ARHGEF38: variants seen among roughly 807,000 people sequenced by gnomAD.
The protein encoded by ARHGEF38 is Rho guanine nucleotide exchange factor 38.
Under a neutral mutation model 79.9 loss-of-function variants are expected in ARHGEF38, and 79 were observed. That is an observed-to-expected ratio of 0.99 (90% CI 0.82 to 1.19). The LOEUF is 1.19. ARHGEF38 is among the 50% of genes most tolerant of loss of function. The pLI, the probability that ARHGEF38 is intolerant of heterozygous loss-of-function variation, is 0.00. For missense variants in ARHGEF38, 962 were observed against 907.2 expected (o/e 1.06, Z -0.78); for synonymous variants, 366 against 328.3 (o/e 1.11, Z -1.24).
At chr4:105,584,104 A>C (rs1034992554) in intron 1 of ARHGEF38, among the ~76,000 whole-genome samples, 1 of 152,242 alleles carries the variant, frequency 6.6e-6, no homozygotes, top group African/African-American at 2.4e-5. Context: ...AGACAACAGC[A>C]GTGTCTGACA....
intron 2 of ARHGEF38, among the ~76,000 whole-genome samples, chr4:105,602,356 A>G (rs1473647816): frequency 6.6e-6 from 1 of 152,192 alleles, no homozygotes; most frequent in Non-Finnish European, 1.5e-5. Context: ...GAAGAAACAA[A>G]TGTTTTAAAA....
At chr4:105,624,289 T>C (rs1356467686) in intron 3 of ARHGEF38, among the ~76,000 whole-genome samples, 2 of 152,184 alleles carry the variant, frequency 1.3e-5, no homozygotes, top group Middle Eastern at 3.2e-3. Flanking sequence ...TCAGGAAGTG[T>C]GGAGTTATGA....
intron 5 of ARHGEF38, among the ~76,000 whole-genome samples, chr4:105,637,274 G>A (rs781431410): frequency 1.1e-4 from 16 of 152,054 alleles, no homozygotes; most frequent in Non-Finnish European, 1.9e-4. Flanking sequence ...CAGTGAGAAC[G>A]GAATTCTGGA....
intron 5 of ARHGEF38, among the ~76,000 whole-genome samples, chr4:105,643,343 T>C (rs1729700690): frequency 6.6e-6 from 1 of 152,066 alleles, no homozygotes; most frequent in African/African-American, 2.4e-5. Context: ...CTTAATAGAT[T>C]TGGTGCAAAT....
intron 9 of ARHGEF38, among the ~76,000 whole-genome samples, chr4:105,658,270 G>A (rs972153139): frequency 1.3e-5 from 2 of 152,090 alleles, no homozygotes; most frequent in South Asian, 4.1e-4. Context: ...TTAGCCAAGC[G>A]TGGTGATACA....
chr4:105,650,582 A>G (rs991097788), intron 7 of ARHGEF38, among the ~76,000 whole-genome samples: 1 of 152,204 alleles, frequency 6.6e-6, no homozygotes, highest in Non-Finnish European at 1.5e-5. Flanking sequence ...CTTTACTCCT[A>G]TCTTCTGCCA....
chr4:105,660,978 C>T (rs1730540113), intron 10 of ARHGEF38, among the ~76,000 whole-genome samples: 1 of 152,142 alleles, frequency 6.6e-6, no homozygotes, highest in Non-Finnish European at 1.5e-5. Context: ...CTGTACCCAT[C>T]CACATTTTTT....
At chr4:105,568,927 A>G (rs1023317857) in intron 1 of ARHGEF38, among the ~76,000 whole-genome samples, 4 of 152,222 alleles carry the variant, frequency 2.6e-5, no homozygotes, top group African/African-American at 7.2e-5. Flanking sequence ...CATTAAACAA[A>G]ACCTTAAGCT....
rs539335169 is a variant in ARHGEF38 at position 105,584,282 on chromosome 4, C to T, written c.197-4966C>T. On this transcript the variant is annotated intron_variant, in intron 1 of 13. Transcript: ENST00000420470. ...ATGTGCATGGAGATATTTTGAGAAGCCTATACACTACACTAGAATACAACC... is the reference window on the plus strand; with the variant it reads ...ATGTGCATGGAGATATTTTGAGAAGTCTATACACTACACTAGAATACAACC... 2.1e-3 allele frequency among the ~76,000 whole-genome samples: 320 copies of T among 152,168 alleles called. 3 individuals carry two copies. Among genetic ancestry groups the T allele is most frequent in the African/African-American group, 7.4e-3 (308 of 41,496 alleles).
chr4:105,632,270 G>A (rs1729228787), intron 4 of ARHGEF38, among the ~76,000 whole-genome samples: 2 of 152,042 alleles, frequency 1.3e-5, no homozygotes, highest in African/African-American at 4.8e-5. Context: ...AAGAATTCAA[G>A]TCACCAAATC....
chr4:105,607,578 A>G (rs1196213868), intron 2 of ARHGEF38, among the ~76,000 whole-genome samples: 1 of 152,118 alleles, frequency 6.6e-6, no homozygotes, highest in Non-Finnish European at 1.5e-5. Flanking sequence ...TATTTCTGAT[A>G]AATAGAATAG....
chr4:105,572,000 C>T (rs975845433), intron 1 of ARHGEF38, among the ~76,000 whole-genome samples: 1 of 152,214 alleles, frequency 6.6e-6, no homozygotes, highest in Non-Finnish European at 1.5e-5. Context: ...ATATCATTAA[C>T]TATGAAGGTC....
At position 105,616,446 on chromosome 4, in the gene ARHGEF38, T is replaced by A. The variant is rs541169976; in HGVS notation, c.508+2939T>A. On this transcript the variant is annotated intron_variant, in intron 3 of 13. Coordinates refer to ENST00000420470, the MANE Select transcript of ARHGEF38 (RefSeq NM_001242729.2). ...GGGGAAGCAAAGACCTTCTCCACACTGTGGCAGGAGAGAGAGAGCACGCCA... is the reference window on the plus strand; with the variant it reads ...GGGGAAGCAAAGACCTTCTCCACACAGTGGCAGGAGAGAGAGAGCACGCCA... Among the ~76,000 whole-genome samples the A allele has an allele frequency of 1.3e-5, 2 of 152,180 alleles. 1 individual carries two copies. Among genetic ancestry groups the A allele is most frequent in the South Asian group, 4.2e-4 (2 of 4,816 alleles).
Position 105,648,668 on chromosome 4 carries a change from AGAG to A in ARHGEF38, c.998_1000del (p.Gly333del). 6.6e-7 allele frequency: 1 copy of A among 1,519,888 alleles called. No individual in the cohort carries two copies. The highest frequency in any genetic ancestry group is 8.8e-7 in the Non-Finnish European group (1 of 1,141,654). 94.2% of individuals were successfully genotyped at this position (1,519,888 alleles called of 1,614,324 possible). ...GACAAATCATCTGAAGATTCTGACC[AGAG>A]GAGAATCACAGGTAATTTTTCTTCT... On this transcript the variant is annotated inframe_deletion, in exon 7 of 14. Transcript: ENST00000420470.
intron 9 of ARHGEF38, 22 bp from the exon 10 acceptor site, chr4:105,659,032 G>A (rs1730452085): frequency 6.6e-7 from 1 of 1,517,262 alleles, no homozygotes; most frequent in African/African-American, 1.4e-5. Flanking sequence ...CTCTGAAATG[G>A]GCTCATTTTT....
At chr4:105,638,150 C>G (rs1729474255) in intron 5 of ARHGEF38, among the ~76,000 whole-genome samples, 1 of 152,130 alleles carries the variant, frequency 6.6e-6, no homozygotes, top group African/African-American at 2.4e-5. Flanking sequence ...TTTAAGAGTA[C>G]AAGATGTGGG....
At chr4:105,602,927 A>G (rs1727887125) in intron 2 of ARHGEF38, among the ~76,000 whole-genome samples, 2 of 151,982 alleles carry the variant, frequency 1.3e-5, no homozygotes, top group African/African-American at 2.4e-5. Flanking sequence ...CCTTATCCTT[A>G]TTGTCTGTGG....
In ARHGEF38 at chr4:105,667,439, T is replaced by A. The variant is rs1730792545; in HGVS notation, c.1889-5T>A. 6.5e-7 allele frequency: 1 copy of A among 1,535,932 alleles called. No individual in the cohort carries two copies. Among genetic ancestry groups the A allele is most frequent in the African/African-American group, 1.4e-5 (1 of 73,040 alleles). The stretch of plus-strand genomic sequence containing the variant: ...GGTTCTTCTTTCTTTTTATTTCCTA[T>A]CCAGATGTGAAAGGATATGTTTATT... On this transcript the variant is annotated splice_polypyrimidine_tract_variant and splice_region_variant and intron_variant, in intron 12 of 13. Transcript: ENST00000420470.
chr4:105,601,896 A>C (rs1388622108), intron 2 of ARHGEF38, among the ~76,000 whole-genome samples: 1 of 152,158 alleles, frequency 6.6e-6, no homozygotes, highest in African/African-American at 2.4e-5. Context: ...CCTATATTTA[A>C]TACAATATAT....
Sources: allele counts gnomAD v4.1 joint callset (sites outside exome capture counted in the v4.1 genomes callset), GRCh38; gene constraint gnomAD v4.1.1; transcripts MANE v1.5; gene names NCBI Gene and HGNC (gene_info 2026-07-23, HGNC 2026-07-21).